Variants in COPG2 observed in about 807,000 individuals in gnomAD.
COPG2 encodes coatomer subunit gamma-2.
COPG2 carries 37 observed loss-of-function variants against 46.3 expected under a neutral mutation model. The observed-to-expected ratio is 0.80, with a 90% confidence interval of 0.61 to 1.05. COPG2 has a LOEUF of 1.05. Ranked by LOEUF, COPG2 falls within the 50% of genes least tolerant of loss-of-function variation. The probability of loss-of-function intolerance (pLI) is 0.00; values close to 1 mark genes in which losing one functional copy is unlikely to be tolerated. For missense variants in COPG2, 427 were observed against 387.8 expected (o/e 1.10, Z -0.85); for synonymous variants, 159 against 129.7 (o/e 1.23, Z -1.53).
At chr7:130,607,607 C>T (rs1554451459) in intron 9 of COPG2, 1 of 476,264 alleles carries the variant, frequency 2.1e-6, no homozygotes, top group African/African-American at 2.0e-5. Flanking sequence ...GGCAGGTCTC[C>T]TAGAGTATTC....
At chr7:130,635,983 G>A (rs541434565) in intron 5 of COPG2, among the ~76,000 whole-genome samples, 1 of 152,286 alleles carries the variant, frequency 6.6e-6, no homozygotes, top group Non-Finnish European at 1.5e-5. Context: ...TTCAGGGGCA[G>A]GTTGTTCAGT....
chr7:130,533,355 A>T (rs1799847836), intron 20 of COPG2, among the ~76,000 whole-genome samples: 1 of 151,856 alleles, frequency 6.6e-6, no homozygotes, highest in Admixed American at 6.6e-5. Context: ...ATAAGGAGGG[A>T]GAGACATGGG....
chr7:130,660,188 C>T lies in COPG2; in HGVS notation c.243+2779G>A, dbSNP rs80006788. Among the ~76,000 whole-genome samples, 6 of 152,320 alleles carry T rather than the reference C, an allele frequency of 3.9e-5. No individual in the cohort carries two copies. The East Asian group carries it at 5.8e-4, about 15-fold the overall frequency. The stretch of plus-strand genomic sequence containing the variant: ...CCTAAGGAATCATTAAAACTAATCA[C>T]ATCATGCTGTACATGGCTACTTACC... On this transcript the variant is annotated intron_variant, in intron 4 of 23. Coordinates refer to ENST00000425248, the MANE Select transcript of COPG2 (RefSeq NM_012133.6).
At chr7:130,634,792 T>C (rs1795303607) in intron 5 of COPG2, among the ~76,000 whole-genome samples, 1 of 152,116 alleles carries the variant, frequency 6.6e-6, no homozygotes, top group Non-Finnish European at 1.5e-5. Context: ...TGTGCCTGTT[T>C]TCAAAGGGAA....
intron 20 of COPG2, among the ~76,000 whole-genome samples, chr7:130,526,505 G>C (rs2116352849): frequency 6.6e-6 from 1 of 152,146 alleles, no homozygotes; most frequent in South Asian, 2.1e-4. Context: ...CGCAACGGGG[G>C]AGTCACCTAC....
intron 4 of COPG2, among the ~76,000 whole-genome samples, chr7:130,653,617 TG>T (rs1256510573): frequency 6.6e-6 from 1 of 152,200 alleles, no homozygotes; most frequent in Non-Finnish European, 1.5e-5. Context: ...CCGACTCAAC[TG>T]GATCTCTGAT....
At chr7:130,629,010 G>T (rs781872609) in intron 5 of COPG2, among the ~76,000 whole-genome samples, 18 of 152,196 alleles carry the variant, frequency 1.2e-4, no homozygotes, top group Non-Finnish European at 2.1e-4. Flanking sequence ...GGACAACAGA[G>T]CAAGATGCTG....
chr7:130,607,604 C>T (rs181466648), intron 9 of COPG2: 1 of 473,544 alleles, frequency 2.1e-6, no homozygotes, highest in East Asian at 5.6e-5. Context: ...TTTGGCAGGT[C>T]TCCTAGAGTA....
intron 9 of COPG2, among the ~76,000 whole-genome samples, chr7:130,579,723 A>C (rs1458238882): frequency 3.3e-5 from 5 of 150,904 alleles, no homozygotes; most frequent in African/African-American, 4.8e-5. Flanking sequence ...AACAGACTTT[A>C]AACCAACAAA....
chr7:130,556,835 T>C (rs1442714364), intron 12 of COPG2, among the ~76,000 whole-genome samples: 3 of 151,926 alleles, frequency 2.0e-5, no homozygotes, highest in Admixed American at 2.0e-4. Flanking sequence ...CTAATAAACA[T>C]TCTTGAAAAA....
At chr7:130,626,183 T>C (rs912112116) in intron 5 of COPG2, among the ~76,000 whole-genome samples, 12 of 152,160 alleles carry the variant, frequency 7.9e-5, no homozygotes, top group Non-Finnish European at 1.8e-4. Context: ...CTTGCAGTGC[T>C]ATATAGTCTA....
intron 23 of COPG2, among the ~76,000 whole-genome samples, 154 bp downstream of exon 23, chr7:130,507,120 A>C (rs1287442174): frequency 6.6e-6 from 1 of 152,170 alleles, no homozygotes; most frequent in Non-Finnish European, 1.5e-5. Context: ...AACCAAGAAT[A>C]GCATGCAAAA....
chr7:130,637,194 A>G (rs140484049), intron 5 of COPG2, among the ~76,000 whole-genome samples: 35 of 152,090 alleles, frequency 2.3e-4, no homozygotes, highest in African/African-American at 8.2e-4. Flanking sequence ...TCTGACAATT[A>G]TGTGTTGTGG....
intron 9 of COPG2, among the ~76,000 whole-genome samples, chr7:130,602,003 T>C (rs961497757): frequency 6.6e-6 from 1 of 152,060 alleles, no homozygotes; most frequent in Non-Finnish European, 1.5e-5. Context: ...ATTACGTGGA[T>C]CCTCCAGGCC....
At chr7:130,611,821 A>AT (rs1794854983) in intron 8 of COPG2, among the ~76,000 whole-genome samples, 3 of 152,216 alleles carry the variant, frequency 2.0e-5, no homozygotes, top group African/African-American at 7.2e-5. Flanking sequence ...TATAATGCCT[A>AT]TAATCAAGGC....
chr7:130,651,885 G>A (rs2116236053), intron 5 of COPG2, among the ~76,000 whole-genome samples: 1 of 151,426 alleles, frequency 6.6e-6, no homozygotes, highest in East Asian at 1.9e-4. Context: ...CCTGACCTCA[G>A]ATGATCCACC....
At chr7:130,556,452 G>C (rs897335113) in intron 12 of COPG2, among the ~76,000 whole-genome samples, 6 of 152,220 alleles carry the variant, frequency 3.9e-5, no homozygotes, top group African/African-American at 1.2e-4. Flanking sequence ...GGAGAATTTA[G>C]AATTGTCTAC....
intron 9 of COPG2, chr7:130,603,043 T>C (rs1347250586): frequency 6.6e-6 from 1 of 152,106 alleles, no homozygotes; most frequent in Non-Finnish European, 1.5e-5. Flanking sequence ...ATAAGAACCA[T>C]CCAGCTAAGA....
Position 130,644,532 on chromosome 7 carries a change from C to G in COPG2, c.323+8337G>C, listed in dbSNP as rs111914388. 5.2e-3 allele frequency among the ~76,000 whole-genome samples: 785 copies of G among 152,270 alleles called. 11 individuals carry two copies. Among genetic ancestry groups the G allele is most frequent in the African/African-American group, 0.018 (742 of 41,556 alleles). On this transcript the variant is annotated intron_variant, in intron 5 of 23. Transcript: ENST00000425248. Reference sequence around the variant, plus strand: ...TCACATAGTGATCAAGGTGCTCCATCTACCATTTAAGTAGATGTAAAAGTT... The same window carrying G: ...TCACATAGTGATCAAGGTGCTCCATGTACCATTTAAGTAGATGTAAAAGTT...
Sources: allele counts gnomAD v4.1 joint callset (sites outside exome capture counted in the v4.1 genomes callset), GRCh38; gene constraint gnomAD v4.1.1; transcripts MANE v1.5; gene names NCBI Gene and HGNC (gene_info 2026-07-23, HGNC 2026-07-21).